The following JMJD1C variants were observed in gnomAD, a reference collection of about 807,000 sequenced individuals.
The protein encoded by JMJD1C is jumonji domain containing 1C.
In JMJD1C, 31 loss-of-function variants were observed where a neutral mutation model predicts 245.3. The observed-to-expected ratio is 0.13, with a 90% CI of 0.09 to 0.17. JMJD1C has a LOEUF of 0.17. Among genes scored for constraint, JMJD1C ranks in the 10% least tolerant of loss-of-function variants. JMJD1C has a pLI of 1.00. For missense variants in JMJD1C, 2,691 were observed against 3,000.2 expected, an observed-to-expected ratio of 0.90 and a Z score of 2.41; for synonymous variants, 1,057 against 1,017.4, an observed-to-expected ratio of 1.04 and a Z score of -0.74.
intron 2 of JMJD1C, among the ~76,000 whole-genome samples, chr10:63,267,495 G>A (rs72831008): frequency 0.028 from 4,259 of 152,210 alleles, 87 homozygotes; most frequent in Non-Finnish European, 0.045. Flanking sequence ...AGGTGCACTG[G>A]AATGTAAAGA....
At chr10:63,393,820 A>T (rs1415973239) in intron 1 of JMJD1C, among the ~76,000 whole-genome samples, 1 of 152,174 alleles carries the variant, frequency 6.6e-6, no homozygotes, top group African/African-American at 2.4e-5. Context: ...AGAATTGCTA[A>T]ATAATTTTGA....
intron 1 of JMJD1C, among the ~76,000 whole-genome samples, chr10:63,472,060 A>C (rs912839789): frequency 5.9e-5 from 9 of 152,072 alleles, no homozygotes; most frequent in Admixed American, 2.6e-4. Flanking sequence ...ACAAACAAAC[A>C]AACAGTCTAT....
chr10:63,224,029 G>A (rs778869946), intron 3 of JMJD1C, among the ~76,000 whole-genome samples: 5 of 152,164 alleles, frequency 3.3e-5, no homozygotes, highest in Non-Finnish European at 7.3e-5. Context: ...TTACAGGCAT[G>A]AGCCTCCGAG....
chr10:63,399,611 A>C (rs1948728843), intron 1 of JMJD1C, among the ~76,000 whole-genome samples: 1 of 152,306 alleles, frequency 6.6e-6, no homozygotes, highest in Non-Finnish European at 1.5e-5. Context: ...AGAAATAATA[A>C]TACTAACACT....
upstream of JMJD1C, chr10:63,466,148 C>CGGCGGT (rs1222881597): frequency 1.1e-5 from 2 of 186,356 alleles, no homozygotes; most frequent in Non-Finnish European, 2.1e-5. Flanking sequence ...GAGGCGGCGG[C>CGGCGGT]GGCGGCGGCA....
intron 1 of JMJD1C, among the ~76,000 whole-genome samples, chr10:63,461,568 GA>G (rs1952802659): frequency 6.6e-6 from 1 of 152,100 alleles, no homozygotes; most frequent in Admixed American, 6.6e-5. Flanking sequence ...ATTTAAGACA[GA>G]AGTTTTGCAA....
chr10:63,176,149 G>A, intron 24 of JMJD1C, 148 bp downstream of exon 24: 1 of 508,508 alleles, frequency 2.0e-6, no homozygotes, highest in Non-Finnish European at 3.5e-6. Context: ...TGCAAGCACT[G>A]AGATGTCATT....
At chr10:63,297,376 A>G (rs1859575803) in intron 2 of JMJD1C, among the ~76,000 whole-genome samples, 1 of 152,158 alleles carries the variant, frequency 6.6e-6, no homozygotes. Context: ...ACTCATCAGG[A>G]CTACCTGTCT....
chr10:63,460,058 A>G (rs185035326), intron 1 of JMJD1C, among the ~76,000 whole-genome samples: 2 of 152,346 alleles, frequency 1.3e-5, no homozygotes, highest in Admixed American at 1.3e-4. Context: ...GACTGGATCC[A>G]TTTATGGCCT....
chr10:63,187,069 C>A (rs1844214687), intron 18 of JMJD1C, among the ~76,000 whole-genome samples: 1 of 151,936 alleles, frequency 6.6e-6, no homozygotes, highest in East Asian at 1.9e-4. Context: ...TATTCTTAAA[C>A]TTGTAACATA....
At chr10:63,222,999 C>T in intron 3 of JMJD1C, 2 of 1,391,964 alleles carry the variant, frequency 1.4e-6, no homozygotes, top group Admixed American at 1.7e-5. Flanking sequence ...CTGGAATCAG[C>T]CAATACACTA....
Position 63,197,580 on chromosome 10 carries a change from AC to A in JMJD1C, c.5492-18del, listed in dbSNP as rs1254093671. ...CAATTTTGGCTGAAATACAGAAAAA[AC>A]AAAAATTTTAAAGGCAAACATGCTC... is the stretch of plus-strand genomic sequence containing the variant. On this transcript the variant is annotated intron_variant, in intron 12 of 25. Transcript: ENST00000399262. 1.1e-5 allele frequency: 17 copies of A among 1,482,438 alleles called. No homozygotes were observed. Among genetic ancestry groups the A allele is most frequent in the Non-Finnish European group, 1.4e-5 (16 of 1,118,098 alleles). 91.8% of individuals were successfully genotyped at this position (1,482,438 alleles called of 1,614,324 possible). A position where few individuals can be genotyped will look rare whatever the true frequency, so the allele number is the denominator to read the frequency against.
chr10:63,433,817 G>A (rs1393599280), intron 1 of JMJD1C, among the ~76,000 whole-genome samples: 1 of 150,202 alleles, frequency 6.7e-6, no homozygotes. Context: ...TTGGCCTCAA[G>A]CAATCCTCCC....
chr10:63,335,023 G>GGA lies in JMJD1C; in HGVS notation c.333+45294_333+45295insTC, dbSNP rs1554891434. Reference sequence around the variant, plus strand: ...ATGCCCAGCCAAGACTCTGTCTTTGGAAAAAAATAAAAAAAAAAAAAAATA... The same window carrying GGA: ...ATGCCCAGCCAAGACTCTGTCTTTGGGAAAAAAAATAAAAAAAAAAAAAAATA... On this transcript the variant is annotated intron_variant, in intron 2 of 25. Coordinates refer to ENST00000399262, the MANE Select transcript of JMJD1C (RefSeq NM_032776.3). 2.4e-4 allele frequency among the ~76,000 whole-genome samples: 24 copies of GGA among 100,858 alleles called. 1 individual carries two copies. Among genetic ancestry groups the GGA allele is most frequent in the East Asian group, 5.2e-4 (2 of 3,826 alleles). The allele number at this position is 100,858 out of a possible 152,430, so 66.2% of individuals were successfully genotyped here. A position where few individuals can be genotyped will look rare whatever the true frequency, so the allele number is the denominator to read the frequency against.
chr10:63,389,727 T>C (rs972496947), intron 1 of JMJD1C, among the ~76,000 whole-genome samples: 2 of 151,938 alleles, frequency 1.3e-5, no homozygotes, highest in Non-Finnish European at 2.9e-5. Flanking sequence ...AAACTAGAAA[T>C]CAACAAAGAG....
intron 2 of JMJD1C, among the ~76,000 whole-genome samples, chr10:63,286,536 C>T (rs1054277879): frequency 3.3e-5 from 5 of 152,232 alleles, no homozygotes; most frequent in African/African-American, 1.2e-4. Context: ...CAACATCCTA[C>T]TTTCTCAGGA....
chr10:63,416,324 A>G (rs1949801181), intron 1 of JMJD1C, among the ~76,000 whole-genome samples: 1 of 150,228 alleles, frequency 6.7e-6, no homozygotes, highest in African/African-American at 2.4e-5. Flanking sequence ...ATAATTCACA[A>G]AACAATCAGC....
At chr10:63,357,826 G>GACAGACAGACAC (rs1051732036) in intron 2 of JMJD1C, among the ~76,000 whole-genome samples, 3 of 140,436 alleles carry the variant, frequency 2.1e-5, no homozygotes, top group Admixed American at 1.5e-4. Context: ...CAGACAGACA[G>GACAGACAGACAC]ACACACACAC....
chr10:63,302,225 AC>A (rs1337325105), intron 2 of JMJD1C, among the ~76,000 whole-genome samples: 1 of 152,152 alleles, frequency 6.6e-6, no homozygotes, highest in Non-Finnish European at 1.5e-5. Flanking sequence ...TCTAATACAT[AC>A]AAGAAGAAGC....
Sources: allele counts gnomAD v4.1 joint callset (sites outside exome capture counted in the v4.1 genomes callset), GRCh38; gene constraint gnomAD v4.1.1; transcripts MANE v1.5; gene names NCBI Gene and HGNC (gene_info 2026-07-23, HGNC 2026-07-21).